Variants in CACNA1E observed in about 807,000 individuals in gnomAD.
CACNA1E encodes the protein calcium voltage-gated channel subunit alpha1 E, also known as voltage-dependent R-type calcium channel subunit alpha-1E.
Under a neutral mutation model 259.2 loss-of-function variants are expected in CACNA1E, and 40 were observed. That is an observed-to-expected ratio of 0.15 (90% CI 0.12 to 0.20). The LOEUF (loss-of-function observed/expected upper bound fraction) is 0.20. Ranked by LOEUF, CACNA1E falls within the 10% of genes least tolerant of loss-of-function variation. The pLI, the probability that CACNA1E is intolerant of heterozygous loss-of-function variation, is 1.00. For missense variants in CACNA1E, 1,874 were observed against 3,040.1 expected (o/e 0.62, Z 9.02); for synonymous variants, 1,104 against 1,138.5 (o/e 0.97, Z 0.61).
At chr1:181,670,374 T>G (rs1028202563) in intron 7 of CACNA1E, among the ~76,000 whole-genome samples, 6 of 152,232 alleles carry the variant, frequency 3.9e-5, no homozygotes, top group African/African-American at 1.4e-4. Flanking sequence ...TATTTTCCCC[T>G]TGGTGTCAAG....
intron 1 of CACNA1E, among the ~76,000 whole-genome samples, chr1:181,364,010 C>T (rs999459338): frequency 6.6e-6 from 1 of 152,196 alleles, no homozygotes; most frequent in Admixed American, 6.5e-5. Flanking sequence ...ATGAAACCAA[C>T]AGTGATATTC....
At chr1:181,479,408 C>A (rs1663080851), upstream of CACNA1E, among the ~76,000 whole-genome samples, 3 of 152,166 alleles carry the variant, frequency 2.0e-5, no homozygotes, top group African/African-American at 7.2e-5. Flanking sequence ...AGATGGTCTT[C>A]AGACTGGTTT....
intron 3 of CACNA1E, among the ~76,000 whole-genome samples, chr1:181,524,429 A>T (rs983769015): frequency 6.6e-6 from 1 of 152,216 alleles, no homozygotes; most frequent in Non-Finnish European, 1.5e-5. Context: ...TCTCATTTTT[A>T]AAATCTAAAA....
rs1308511285 is a variant in CACNA1E at position 181,796,648 on chromosome 1, G to A, written c.6209-20G>A. On this transcript the variant is annotated intron_variant, in intron 46 of 47. Transcript: ENST00000367573. Reference sequence around the variant, plus strand: ...AGAGTGGACAGAGTTATAACCAAGTGCTTTTGTCACCTCTCACAGGCCACA... The same window carrying A: ...AGAGTGGACAGAGTTATAACCAAGTACTTTTGTCACCTCTCACAGGCCACA... 6.5e-7 allele frequency: 1 copy of A among 1,549,632 alleles called. No homozygotes were observed. The highest frequency in any genetic ancestry group is 2.3e-5 in the East Asian group (1 of 43,392).
At position 181,750,502 on chromosome 1, in the gene CACNA1E, T is replaced by TTATC; in HGVS notation, c.3731+17_3731+20dup. On this transcript the variant is annotated intron_variant, in intron 26 of 47. Transcript: ENST00000367573. Reference sequence around the variant, plus strand: ...AACGCTTTGGGGTAAATATGTTCGATTATCTTTGAAGTAAACGATACAAGG... The same window carrying TTATC: ...AACGCTTTGGGGTAAATATGTTCGATTATCTATCTTTGAAGTAAACGATACAAGG... The TTATC allele has an allele frequency of 1.6e-5, 25 of 1,611,518 alleles. No homozygotes were observed. The highest frequency in any genetic ancestry group is 2.1e-5 in the Non-Finnish European group (25 of 1,177,814).
intron 16 of CACNA1E, 42 bp downstream of exon 16, chr1:181,721,917 C>A: frequency 7.8e-7 from 1 of 1,283,174 alleles, no homozygotes; most frequent in Non-Finnish European, 1.1e-6. Flanking sequence ...GCCTGCCTTC[C>A]TGGACCAGCA....
At chr1:181,375,916 T>C (rs533586553) in intron 1 of CACNA1E, among the ~76,000 whole-genome samples, 1 of 152,364 alleles carries the variant, frequency 6.6e-6, no homozygotes. Flanking sequence ...CATTATTCAT[T>C]CAATCTGTTA....
At chr1:181,519,078 G>A (rs28662868) in intron 3 of CACNA1E, among the ~76,000 whole-genome samples, 12,290 of 152,222 alleles carry the variant, frequency 0.081, 1,670 homozygotes, top group African/African-American at 0.28. Flanking sequence ...AGTTAAACTC[G>A]TGCATTCTTG....
intron 3 of CACNA1E, among the ~76,000 whole-genome samples, chr1:181,577,040 T>C (rs1651046609): frequency 6.6e-6 from 1 of 152,172 alleles, no homozygotes; most frequent in Non-Finnish European, 1.5e-5. Context: ...TATGTCCTTG[T>C]CTCTCCAAAG....
chr1:181,403,740 A>G (rs1657264457), intron 1 of CACNA1E, among the ~76,000 whole-genome samples: 1 of 152,206 alleles, frequency 6.6e-6, no homozygotes, highest in African/African-American at 2.4e-5. Flanking sequence ...AAGTAACAGA[A>G]AACCTGACTC....
chr1:181,762,450 C>T, intron 32 of CACNA1E, 124 bp from the exon 33 acceptor site: 1 of 665,460 alleles, frequency 1.5e-6, no homozygotes, highest in Non-Finnish European at 2.7e-6. Flanking sequence ...TAAGAGTGAA[C>T]TTATGCATTA....
At chr1:181,766,200 A>G (rs1659009250) in intron 34 of CACNA1E, among the ~76,000 whole-genome samples, 1 of 152,164 alleles carries the variant, frequency 6.6e-6, no homozygotes, top group African/African-American at 2.4e-5. Context: ...TTGCATCACA[A>G]TTGCTAGGTT....
chr1:181,696,520 A>T (rs946488747), intron 7 of CACNA1E, among the ~76,000 whole-genome samples: 1 of 152,222 alleles, frequency 6.6e-6, no homozygotes, highest in African/African-American at 2.4e-5. Flanking sequence ...AGTAAAGCCT[A>T]TACTTACTAG....
chr1:181,379,984 T>A (rs944987674), intron 1 of CACNA1E, among the ~76,000 whole-genome samples: 1 of 146,852 alleles, frequency 6.8e-6, no homozygotes, highest in Non-Finnish European at 1.5e-5. Context: ...ATATATATAT[T>A]TATATATATC....
chr1:181,562,412 G>C (rs934451254), intron 3 of CACNA1E, among the ~76,000 whole-genome samples: 9 of 152,102 alleles, frequency 5.9e-5, no homozygotes, highest in African/African-American at 2.2e-4. Flanking sequence ...TTATTAAACA[G>C]TCTGTGTTTC....
At chr1:181,500,625 C>A (rs565552120) in intron 1 of CACNA1E, among the ~76,000 whole-genome samples, 1 of 152,302 alleles carries the variant, frequency 6.6e-6, no homozygotes, top group Non-Finnish European at 1.5e-5. Flanking sequence ...GTCTTTGCCT[C>A]CATAATAACT....
intron 1 of CACNA1E, among the ~76,000 whole-genome samples, chr1:181,381,118 A>T (rs1311079566): frequency 1.3e-5 from 2 of 151,794 alleles, no homozygotes; most frequent in African/African-American, 4.8e-5. Flanking sequence ...GTGAGCTGAG[A>T]TTGTGCCACT....
intron 18 of CACNA1E, among the ~76,000 whole-genome samples, chr1:181,729,494 C>T (rs1655264528): frequency 1.3e-5 from 2 of 152,218 alleles, no homozygotes; most frequent in African/African-American, 4.8e-5. Flanking sequence ...AAGCAAAGTG[C>T]CTGAGTGCTA....
chr1:181,364,255 G>A (rs1311025303), intron 1 of CACNA1E, among the ~76,000 whole-genome samples: 1 of 152,134 alleles, frequency 6.6e-6, no homozygotes, highest in Non-Finnish European at 1.5e-5. Flanking sequence ...ACCATCCTAA[G>A]CGCCTTTGTC....
Sources: allele counts gnomAD v4.1 joint callset (sites outside exome capture counted in the v4.1 genomes callset), GRCh38; gene constraint gnomAD v4.1.1; transcripts MANE v1.5; gene names NCBI Gene and HGNC (gene_info 2026-07-23, HGNC 2026-07-21).